Variants in PUM1 observed in about 807,000 individuals in gnomAD.
PUM1 encodes pumilio RNA binding family member 1.
Under a neutral mutation model 131.8 loss-of-function variants are expected in PUM1, and 13 were observed. The ratio of observed to expected loss-of-function variants is 0.10; its 90% CI spans 0.06 to 0.16. The LOEUF is 0.16. Among genes scored for constraint, PUM1 ranks in the 10% least tolerant of loss-of-function variants. The pLI is 1.00. For synonymous variants in PUM1, 509 were observed against 556.5 expected, an observed-to-expected ratio of 0.91 and a Z score of 1.20; for missense variants, 961 against 1,512.4, an observed-to-expected ratio of 0.64 and a Z score of 6.05.
intron 11 of PUM1, 141 bp downstream of exon 11, chr1:30,968,213 C>G: frequency 8.9e-7 from 1 of 1,124,044 alleles, no homozygotes; most frequent in East Asian, 2.4e-5. Flanking sequence ...TAAGTGAGGG[C>G]AAGTGTGTAT....
At chr1:30,933,545 A>C (rs1323790122) in intron 21 of PUM1, among the ~76,000 whole-genome samples, 2 of 151,532 alleles carry the variant, frequency 1.3e-5, no homozygotes, top group Non-Finnish European at 2.9e-5. Context: ...CACTTTGGCA[A>C]CCCATCAGAT....
chr1:31,009,447 G>A (rs1366399705), intron 3 of PUM1, among the ~76,000 whole-genome samples: 1 of 152,028 alleles, frequency 6.6e-6, no homozygotes, highest in Non-Finnish European at 1.5e-5. Context: ...ATTCCTCACA[G>A]AAACTTGTAA....
intron 5 of PUM1, among the ~76,000 whole-genome samples, chr1:31,003,893 C>T (rs192097234): frequency 4.6e-5 from 7 of 152,314 alleles, no homozygotes; most frequent in Admixed American, 2.6e-4. Context: ...CTAAGTCAAA[C>T]TATGGGATAA....
At chr1:31,026,187 C>G (rs1643213721) in intron 3 of PUM1, among the ~76,000 whole-genome samples, 2 of 150,342 alleles carry the variant, frequency 1.3e-5, no homozygotes, top group Non-Finnish European at 3.0e-5. Flanking sequence ...ACCCAGGAGG[C>G]GGAGGTTACA....
chr1:30,978,944 C>T (rs1034342261), intron 9 of PUM1, among the ~76,000 whole-genome samples: 53 of 151,946 alleles, frequency 3.5e-4, no homozygotes, highest in African/African-American at 1.3e-3. Flanking sequence ...CCCATCTCTC[C>T]AAAAATTTAA....
chr1:30,999,285 C>T (rs549279978), intron 5 of PUM1, among the ~76,000 whole-genome samples: 2 of 152,124 alleles, frequency 1.3e-5, no homozygotes, highest in Non-Finnish European at 2.9e-5. Context: ...CAAGTGTGAG[C>T]CATAACACCT....
chr1:30,980,015 G>T, intron 9 of PUM1, 47 bp downstream of exon 9: 1 of 1,351,702 alleles, frequency 7.4e-7, no homozygotes, highest in Non-Finnish European at 1.0e-6. Context: ...CATCTCAAAT[G>T]ACTTTTCAGC....
chr1:30,992,438 G>A lies in PUM1; in HGVS notation c.1110C>T (p.Asp370=). 3.1e-6 allele frequency: 5 copies of A among 1,614,186 alleles called. No homozygotes were observed. Among genetic ancestry groups the A allele is most frequent in the Non-Finnish European group, 4.2e-6 (5 of 1,180,024 alleles). ...AAAGTCCCACAGTTGCTGCTGCTGA[G>A]TCCACAGGTACCTGCGTGCCTGAAT... ...FDYSGTQVPV[D]SAAATVGLFD... is the part of the protein sequence containing the mutation. The change falls in exon 7 of 22, where the codon GAC becomes GAT. Residue 370 remains aspartate (D), a synonymous_variant. Coordinates refer to ENST00000426105, the MANE Select transcript of PUM1 (RefSeq NM_001020658.2).
intron 2 of PUM1, among the ~76,000 whole-genome samples, chr1:31,045,709 A>G (rs1196666748): frequency 6.6e-6 from 1 of 152,240 alleles, no homozygotes; most frequent in Non-Finnish European, 1.5e-5. Flanking sequence ...CTTGGACCAT[A>G]AAAGAGCACT....
At chr1:30,939,789 C>G (rs553756045) in intron 20 of PUM1, among the ~76,000 whole-genome samples, 39 of 152,240 alleles carry the variant, frequency 2.6e-4, no homozygotes, top group Middle Eastern at 3.4e-3. Context: ...GCCCAGGAAT[C>G]CTAGGCTGCA....
In PUM1 at chr1:31,013,213, T is replaced by A. The variant is rs1192754902; in HGVS notation, c.433-6111A>T. 7.2e-5 allele frequency among the ~76,000 whole-genome samples: 11 copies of A among 152,322 alleles called. No homozygotes were observed. In the East Asian group the frequency reaches 1.9e-3, roughly 27 times the overall value. On this transcript the variant is annotated intron_variant, in intron 3 of 21. Transcript: ENST00000426105. ...CAAAACAACACTACAAGAACCATGA[T>A]TACGGCTTTTCAGGAACTGCAGAGG...
chr1:31,046,625 A>G (rs1468430475), intron 2 of PUM1, among the ~76,000 whole-genome samples: 1 of 150,010 alleles, frequency 6.7e-6, no homozygotes, highest in African/African-American at 2.5e-5. Flanking sequence ...CTCCTGCCTC[A>G]GCCTCCTAAG....
At chr1:31,008,647 CT>C (rs758073486) in intron 3 of PUM1, among the ~76,000 whole-genome samples, 5 of 151,968 alleles carry the variant, frequency 3.3e-5, no homozygotes, top group Non-Finnish European at 5.9e-5. Flanking sequence ...ACCTCATTCT[CT>C]TTTTATTGAT....
chr1:30,971,990 T>A (rs1557562353), intron 10 of PUM1, among the ~76,000 whole-genome samples: 2 of 151,854 alleles, frequency 1.3e-5, no homozygotes, highest in Non-Finnish European at 2.9e-5. Flanking sequence ...GTGCAGTGGT[T>A]CACACCTGTA....
intron 2 of PUM1, among the ~76,000 whole-genome samples, chr1:31,055,571 A>G (rs1644218022): frequency 6.6e-6 from 1 of 152,224 alleles, no homozygotes. Context: ...CGTCCAGCCC[A>G]AAGAATTGTG....
Position 30,980,148 on chromosome 1 carries a change from G to A in PUM1, c.1268C>T (p.Ala423Val), listed in dbSNP as rs1294868563. ...HQPHIGLAPA[A>V]FVPNPYIISA... ...GATGATGTATGGATTGGGGACAAAC[G>A]CAGCGGGAGCTAAACCTGCTGAAAA... Residue 423 changes from alanine to valine, a missense_variant, in exon 9 of 22, where the codon GCG (alanine) becomes GTG (valine). Coordinates refer to ENST00000426105, the MANE Select transcript of PUM1 (RefSeq NM_001020658.2). 6.2e-7 allele frequency: 1 copy of A among 1,613,828 alleles called. No homozygotes were observed. The highest frequency in any genetic ancestry group is 1.3e-5 in the African/African-American group (1 of 74,986).
intron 7 of PUM1, among the ~76,000 whole-genome samples, chr1:30,987,967 ATCTACT>A (rs1557572113): frequency 1.3e-5 from 2 of 152,350 alleles, no homozygotes; most frequent in South Asian, 2.1e-4. Flanking sequence ...CAGCTAGTAC[ATCTACT>A]TCTATTTCAT....
chr1:30,940,316 A>G (rs1639391239), intron 20 of PUM1, among the ~76,000 whole-genome samples: 1 of 152,040 alleles, frequency 6.6e-6, no homozygotes. Flanking sequence ...TCTCTACAAA[A>G]ATAAAAAAAA....
chr1:31,018,080 G>A (rs61780469), intron 3 of PUM1, among the ~76,000 whole-genome samples: 11,015 of 152,266 alleles, frequency 0.072, 659 homozygotes, highest in East Asian at 0.28. Flanking sequence ...ACCAGGCGCG[G>A]TGGCTCATGC....
Sources: allele counts gnomAD v4.1 joint callset (sites outside exome capture counted in the v4.1 genomes callset), GRCh38; gene constraint gnomAD v4.1.1; transcripts MANE v1.5; gene names NCBI Gene and HGNC (gene_info 2026-07-23, HGNC 2026-07-21).